CDK14: variants seen among roughly 807,000 people sequenced by gnomAD.
CDK14 encodes the protein cyclin dependent kinase 14, also known as cyclin-dependent kinase 14.
A neutral mutation model predicts 60.7 loss-of-function variants in CDK14; 34 were observed. The ratio of observed to expected loss-of-function variants is 0.56; its 90% confidence interval spans 0.43 to 0.75. CDK14 has a LOEUF of 0.75. Among genes scored for constraint, CDK14 ranks in the 30% least tolerant of loss-of-function variants. The probability of loss-of-function intolerance (pLI) is 0.00; values close to 1 mark genes in which losing one functional copy is unlikely to be tolerated. For missense variants in CDK14, 482 were observed against 564.1 expected (o/e 0.85, Z 1.47); for synonymous variants, 197 against 203.7 (o/e 0.97, Z 0.28).
chr7:90,889,718 C>G (rs1358059792), intron 6 of CDK14, among the ~76,000 whole-genome samples: 2 of 152,134 alleles, frequency 1.3e-5, no homozygotes, highest in Admixed American at 6.5e-5. Context: ...TAAATCTTTC[C>G]TAAATGGCTT....
At position 90,596,699 on chromosome 7, in the gene CDK14, G is replaced by T. The variant is rs563559053; in HGVS notation, c.72G>T (p.Ser24=). Reference sequence around the variant, plus strand: ...TGAAGAAGTTGCGGAGAACTTTGTCGGAGAGTTTCAGTCGCATTGGTGAGT... The same window carrying T: ...TGAAGAAGTTGCGGAGAACTTTGTCTGAGAGTTTCAGTCGCATTGGTGAGT... ...GKMKKLRRTL[S]ESFSRIALKK... is the part of the protein sequence containing the mutation. The change falls in exon 1 of 15, where the codon TCG becomes TCT. Residue 24 remains serine (S), a synonymous_variant. Coordinates refer to ENST00000380050, the MANE Select transcript of CDK14 (RefSeq NM_001287135.2). The T allele has an allele frequency of 6.2e-7, 1 of 1,611,944 alleles. No individual in the cohort carries two copies. Among genetic ancestry groups the T allele is most frequent in the South Asian group, 1.1e-5 (1 of 91,064 alleles).
intron 10 of CDK14, among the ~76,000 whole-genome samples, chr7:91,044,258 C>T (rs1797172699): frequency 1.3e-5 from 2 of 152,106 alleles, no homozygotes; most frequent in Admixed American, 6.6e-5. Flanking sequence ...GCTTCTAGGT[C>T]ATAGGTGGAT....
chr7:90,809,252 A>C (rs1475048532), intron 5 of CDK14, among the ~76,000 whole-genome samples: 4 of 152,210 alleles, frequency 2.6e-5, no homozygotes, highest in Non-Finnish European at 5.9e-5. Context: ...GTAGAAGAAC[A>C]GAAGTTATAA....
rs1788885374 is a variant in CDK14 at position 90,807,222 on chromosome 7, G to A, written c.544+16570G>A. Among the ~76,000 whole-genome samples the A allele has an allele frequency of 2.0e-5, 3 of 152,192 alleles. No homozygotes were observed. In the South Asian group the frequency reaches 6.2e-4, roughly 32 times the overall value. On this transcript the variant is annotated intron_variant, in intron 5 of 14. Transcript: ENST00000380050. ...CGTAAGTGGGAGGCACCACCCAGTAGGGGCAGACTGACACCTCACATGGCC... is the reference window on the plus strand; with the variant it reads ...CGTAAGTGGGAGGCACCACCCAGTAAGGGCAGACTGACACCTCACATGGCC...
intron 14 of CDK14, among the ~76,000 whole-genome samples, chr7:91,181,284 T>G (rs1801992880): frequency 6.6e-6 from 1 of 152,192 alleles, no homozygotes; most frequent in African/African-American, 2.4e-5. Flanking sequence ...AAATGACTTG[T>G]CCTTTAGAGT....
Position 90,663,095 on chromosome 7 carries a change from AACACACACACACAC to A in CDK14, c.123+58871_123+58884del, listed in dbSNP as rs111918409. ...TTGGGGTGATTGGAACTAAGATGGG[AACACACACACACAC>A]ACACACACACACACACACACACACG... On this transcript the variant is annotated intron_variant, in intron 2 of 14. Transcript: ENST00000380050. 3.1e-3 allele frequency among the ~76,000 whole-genome samples: 408 copies of A among 132,050 alleles called. 3 individuals carry two copies. The highest frequency in any genetic ancestry group is 5.2e-3 in the Non-Finnish European group (302 of 57,738). 86.6% of individuals were successfully genotyped at this position (132,050 alleles called of 152,430 possible).
intron 9 of CDK14, among the ~76,000 whole-genome samples, chr7:90,977,893 A>G (rs1050273989): frequency 6.6e-6 from 1 of 152,136 alleles, no homozygotes; most frequent in African/African-American, 2.4e-5. Context: ...CCGATCTTGT[A>G]GATGTTCCAT....
chr7:90,979,709 T>C (rs1191293481), intron 9 of CDK14: 1 of 152,224 alleles, frequency 6.6e-6, no homozygotes, highest in East Asian at 1.9e-4. Context: ...GAGGAAAGTC[T>C]AAATTATCTC....
At chr7:90,859,611 GA>G (rs1480460301) in intron 5 of CDK14, among the ~76,000 whole-genome samples, 1 of 151,908 alleles carries the variant, frequency 6.6e-6, no homozygotes, top group African/African-American at 2.4e-5. Context: ...AAGTTCATTG[GA>G]AAGTACAGAG....
At chr7:90,597,235 C>G (rs1799213240) in intron 1 of CDK14, 1 of 152,856 alleles carries the variant, frequency 6.5e-6, no homozygotes, top group Admixed American at 6.5e-5. Flanking sequence ...TCCTGGAAAG[C>G]GAGATTTGGG....
chr7:91,090,769 A>G (rs1262265674), intron 12 of CDK14, among the ~76,000 whole-genome samples: 1 of 152,166 alleles, frequency 6.6e-6, no homozygotes, highest in Non-Finnish European at 1.5e-5. Context: ...GATTTTGTTG[A>G]ATATTGAATG....
Position 91,065,797 on chromosome 7 carries a change from A to C in CDK14, c.1106-13635A>C, listed in dbSNP as rs75717458. On this transcript the variant is annotated intron_variant, in intron 11 of 14. Transcript: ENST00000380050. ...ACAGTCCCTAGCAAGTTGCAGACAC[A>C]CAATAAGTACTTGTAGAATGAATGA... Among the ~76,000 whole-genome samples, 765 of 152,360 alleles carry C rather than the reference A, an allele frequency of 5.0e-3. 7 individuals carry two copies. The highest frequency in any genetic ancestry group is 0.018 in the African/African-American group (728 of 41,582).
chr7:91,086,536 A>T (rs1383342305), intron 12 of CDK14, among the ~76,000 whole-genome samples: 1 of 152,180 alleles, frequency 6.6e-6, no homozygotes, highest in African/African-American at 2.4e-5. Context: ...CTCTACTCAG[A>T]AAACACCGTA....
At chr7:91,195,366 G>C (rs954653400) in intron 14 of CDK14, among the ~76,000 whole-genome samples, 9 of 152,184 alleles carry the variant, frequency 5.9e-5, no homozygotes, top group African/African-American at 2.2e-4. Context: ...GTAAAGGTAG[G>C]AGTTAATAAT....
At chr7:91,180,863 A>T (rs1015134227) in intron 14 of CDK14, among the ~76,000 whole-genome samples, 28 of 152,246 alleles carry the variant, frequency 1.8e-4, no homozygotes, top group African/African-American at 6.8e-4. Flanking sequence ...TTTTAAACAT[A>T]TGCAAAAGTA....
At chr7:91,170,821 C>A (rs1277659295) in intron 14 of CDK14, among the ~76,000 whole-genome samples, 1 of 135,010 alleles carries the variant, frequency 7.4e-6, no homozygotes. Context: ...GGCTGGAGTT[C>A]AGTGGCATGA....
chr7:91,028,267 C>A (rs1423243481), intron 10 of CDK14, among the ~76,000 whole-genome samples: 1 of 152,004 alleles, frequency 6.6e-6, no homozygotes, highest in East Asian at 1.9e-4. Context: ...GACAGACACA[C>A]ACACACAAAC....
At position 91,118,196 on chromosome 7, in the gene CDK14, C is replaced by T; in HGVS notation, c.*16C>T. On this transcript the variant is annotated 3_prime_UTR_variant, in exon 14 of 15. Transcript: ENST00000380050. ...CAAGCACTGACAAGCAGCACATTCT[C>T]AAGAGCACACAGGTAAGAGGACCTG... 1 of 1,470,734 alleles carries T rather than the reference C, an allele frequency of 6.8e-7. No homozygotes were observed. Among genetic ancestry groups the T allele is most frequent in the South Asian group, 1.1e-5 (1 of 87,724 alleles). 91.1% of individuals were successfully genotyped at this position (1,470,734 alleles called of 1,614,324 possible). A position where few individuals can be genotyped will look rare whatever the true frequency, so the allele number is the denominator to read the frequency against.
intron 12 of CDK14, among the ~76,000 whole-genome samples, chr7:91,108,101 A>T (rs998120690): frequency 3.3e-5 from 5 of 152,214 alleles, no homozygotes; most frequent in African/African-American, 9.6e-5. Flanking sequence ...TGAGGTCAGG[A>T]GTTCAAGACC....
Sources: gnomAD v4.1 joint callset for allele counts (sites outside exome capture counted in the v4.1 genomes callset) on GRCh38, gnomAD v4.1.1 for gene constraint, MANE v1.5 for transcripts, NCBI Gene and HGNC (gene_info 2026-07-23, HGNC 2026-07-21) for gene names.